The following ABCC4 variants were observed in gnomAD, a reference collection of about 807,000 sequenced individuals.
The protein encoded by ABCC4 is ATP-binding cassette sub-family C member 4.
ABCC4 carries 102 observed loss-of-function variants against 168.5 expected under a neutral mutation model. The ratio of observed to expected loss-of-function variants is 0.61; its 90% confidence interval spans 0.52 to 0.71. The LOEUF is 0.71. ABCC4 is among the 30% of genes least tolerant of loss of function. The pLI is 0.00. For missense variants in ABCC4, 1,402 were observed against 1,605.8 expected (o/e 0.87, Z 2.17); for synonymous variants, 617 against 590.7 (o/e 1.04, Z -0.65).
intron 30 of ABCC4, among the ~76,000 whole-genome samples, chr13:95,026,411 A>C (rs1002109863): frequency 6.6e-6 from 1 of 152,194 alleles, no homozygotes; most frequent in Non-Finnish European, 1.5e-5. Context: ...ATAGCTTTAC[A>C]AAATAGACAA....
At chr13:95,049,576 G>C (rs751904990) in intron 27 of ABCC4, among the ~76,000 whole-genome samples, 1 of 151,970 alleles carries the variant, frequency 6.6e-6, no homozygotes, top group Non-Finnish European at 1.5e-5. Context: ...GGGAGGCGGA[G>C]GTTGCAGTGA....
intron 20 of ABCC4, among the ~76,000 whole-genome samples, chr13:95,107,074 T>C (rs1051946423): frequency 1.3e-5 from 2 of 152,000 alleles, no homozygotes; most frequent in Non-Finnish European, 1.5e-5. Context: ...CTGGCCAACA[T>C]GGTGAAACCC....
intron 11 of ABCC4, among the ~76,000 whole-genome samples, chr13:95,184,492 C>T (rs2037997508): frequency 6.6e-6 from 1 of 152,200 alleles, no homozygotes; most frequent in South Asian, 2.1e-4. Context: ...TGAACTTGAA[C>T]TGCAAATGTT....
At chr13:95,060,275 A>C (rs1443049108) in intron 26 of ABCC4, among the ~76,000 whole-genome samples, 2 of 152,232 alleles carry the variant, frequency 1.3e-5, no homozygotes, top group African/African-American at 4.8e-5. Context: ...CATTTGCTCA[A>C]AAGTAGGGTG....
intron 10 of ABCC4, among the ~76,000 whole-genome samples, chr13:95,187,885 C>T (rs1028208483): frequency 3.3e-5 from 5 of 152,142 alleles, no homozygotes; most frequent in African/African-American, 7.2e-5. Context: ...AGAGCACTTA[C>T]GACACTGAAC....
chr13:95,131,241 A>G (rs1229624155), intron 19 of ABCC4, among the ~76,000 whole-genome samples: 1 of 152,320 alleles, frequency 6.6e-6, no homozygotes, highest in East Asian at 1.9e-4. Context: ...TGTAGGATTA[A>G]AAAAAGGGGA....
intron 3 of ABCC4, among the ~76,000 whole-genome samples, chr13:95,238,210 A>G (rs2039830655): frequency 6.6e-6 from 1 of 151,628 alleles, no homozygotes; most frequent in Non-Finnish European, 1.5e-5. Context: ...AAAAAAAAAA[A>G]AAAAAAGAAA....
chr13:95,300,610 G>A (rs1034280350), intron 1 of ABCC4, among the ~76,000 whole-genome samples: 1 of 152,166 alleles, frequency 6.6e-6, no homozygotes, highest in Non-Finnish European at 1.5e-5. Context: ...TGAGACAAAA[G>A]ATACAGAGAC....
intron 27 of ABCC4, among the ~76,000 whole-genome samples, chr13:95,049,267 G>A (rs952471270): frequency 6.6e-6 from 1 of 152,094 alleles, no homozygotes; most frequent in Non-Finnish European, 1.5e-5. Context: ...CCAGGAGGTA[G>A]AGTTTGCAGT....
intron 1 of ABCC4, among the ~76,000 whole-genome samples, chr13:95,250,757 C>CTTTTT (rs66485168): frequency 6.3e-5 from 5 of 78,874 alleles, no homozygotes; most frequent in African/African-American, 9.9e-5. Context: ...ATACTGGTTT[C>CTTTTT]TTTTTTTTTT....
chr13:95,093,072 T>A (rs1403067257), intron 20 of ABCC4, among the ~76,000 whole-genome samples: 1 of 151,786 alleles, frequency 6.6e-6, no homozygotes, highest in Non-Finnish European at 1.5e-5. Flanking sequence ...CAAAAAAAAG[T>A]CCAAGACCAG....
At chr13:95,176,823 AG>A (rs1434942981) in intron 13 of ABCC4, among the ~76,000 whole-genome samples, 3 of 152,250 alleles carry the variant, frequency 2.0e-5, no homozygotes. Flanking sequence ...ACTGTGGGGC[AG>A]ATGTGAGTGC....
At chr13:95,235,890 T>C (rs1202947599) in intron 3 of ABCC4, among the ~76,000 whole-genome samples, 1 of 152,190 alleles carries the variant, frequency 6.6e-6, no homozygotes, top group East Asian at 1.9e-4. Flanking sequence ...ATGTCATCAG[T>C]GGCTCTCTTT....
In ABCC4 at chr13:95,295,336, C is replaced by A. The variant is rs72645831; in HGVS notation, c.74+5905G>T. Among the ~76,000 whole-genome samples the A allele has an allele frequency of 1.8e-3, 279 of 151,692 alleles. 3 individuals carry two copies. The highest frequency in any genetic ancestry group is 6.9e-3 in the Middle Eastern group (2 of 290). On this transcript the variant is annotated intron_variant, in intron 1 of 30. Coordinates refer to ENST00000645237, the MANE Select transcript of ABCC4 (RefSeq NM_005845.5). ...TTTAAGACCAACATGGGCAACACAGCGAGACCTGGTCTCTACCAAAAATGT... is the reference window on the plus strand; with the variant it reads ...TTTAAGACCAACATGGGCAACACAGAGAGACCTGGTCTCTACCAAAAATGT...
chr13:95,172,560 T>C (rs2037514385), intron 13 of ABCC4, among the ~76,000 whole-genome samples: 1 of 139,282 alleles, frequency 7.2e-6, no homozygotes, highest in African/African-American at 2.7e-5. Flanking sequence ...AGCGAGACTC[T>C]GCCTCAAAAA....
chr13:95,078,493 A>G (rs993029180), intron 21 of ABCC4, among the ~76,000 whole-genome samples: 4 of 152,190 alleles, frequency 2.6e-5, no homozygotes, highest in African/African-American at 9.6e-5. Flanking sequence ...TATTTGTGTC[A>G]GCTCTCTATA....
At chr13:95,217,836 G>A (rs528479617) in intron 4 of ABCC4, among the ~76,000 whole-genome samples, 11 of 152,230 alleles carry the variant, frequency 7.2e-5, no homozygotes, top group South Asian at 2.1e-4. Context: ...TCAATGACCC[G>A]GGGTGGACAG....
chr13:95,179,156 C>T (rs1158979907), intron 11 of ABCC4, among the ~76,000 whole-genome samples: 4 of 152,160 alleles, frequency 2.6e-5, no homozygotes, highest in Admixed American at 6.5e-5. Flanking sequence ...CATAAAGCCA[C>T]GGGACTTACT....
chr13:95,081,506 T>A (rs961664112), intron 21 of ABCC4, among the ~76,000 whole-genome samples: 6 of 152,230 alleles, frequency 3.9e-5, no homozygotes, highest in Admixed American at 3.9e-4. Context: ...GCAATTATAC[T>A]CTACCTTCCC....
Sources: gnomAD v4.1 joint callset for allele counts (sites outside exome capture counted in the v4.1 genomes callset) on GRCh38, gnomAD v4.1.1 for gene constraint, MANE v1.5 for transcripts, NCBI Gene and HGNC (gene_info 2026-07-23, HGNC 2026-07-21) for gene names.